The following EIF5A2 variants were observed in gnomAD, a reference collection of about 807,000 sequenced individuals.
EIF5A2 encodes the protein eukaryotic translation initiation factor 5A2.
EIF5A2 carries 15 observed loss-of-function variants against 16.4 expected under a neutral mutation model. The ratio of observed to expected loss-of-function variants is 0.92; its 90% CI spans 0.61 to 1.41. EIF5A2 has a LOEUF of 1.41. EIF5A2 is among the 40% of genes most tolerant of loss of function. The pLI is 0.00. For synonymous variants in EIF5A2, 48 were observed against 61.1 expected, an observed-to-expected ratio of 0.79 and a Z score of 1.00; for missense variants, 144 against 189.5, an observed-to-expected ratio of 0.76 and a Z score of 1.41.
In EIF5A2 at chr3:170,894,297, C is replaced by G. The variant is rs1333213962; in HGVS notation, c.397G>C (p.Val133Leu). 1.9e-6 allele frequency: 3 copies of G among 1,613,020 alleles called. No individual in the cohort carries two copies. The Admixed American group carries it at 5.0e-5, about 27-fold the overall frequency. ...IEGKYNAGED[V>L]QVSVMCAMSE... is the part of the protein sequence containing the mutation. ...ATCCTTCTCTAAGTCTTTACCTGTACATCTTCACCTGCATTGTATTTTCCC... is the reference window on the plus strand; with the variant it reads ...ATCCTTCTCTAAGTCTTTACCTGTAGATCTTCACCTGCATTGTATTTTCCC... Residue 133 changes from valine (V) to leucine (L), a missense_variant, in exon 4 of 5, where the codon GTA becomes CTA. Transcript: ENST00000295822.
intron 3 of EIF5A2, among the ~76,000 whole-genome samples, chr3:170,898,136 A>G (rs539162674): frequency 1.3e-5 from 2 of 152,362 alleles, no homozygotes; most frequent in East Asian, 1.9e-4. Context: ...GTTTCTAGGA[A>G]GTAACTGACT....
rs1712520299 is a variant in EIF5A2 at position 170,891,004 on chromosome 3, A to G, written c.*2356T>C. On this transcript the variant is annotated 3_prime_UTR_variant, in exon 5 of 5. Coordinates refer to ENST00000295822, the MANE Select transcript of EIF5A2 (RefSeq NM_020390.6). ...ACTTCATATATTACTTAAAATGAAA[A>G]TATTTATGCATAAATAGCGTTTGCC... The G allele has an allele frequency of 6.6e-6, 1 of 152,610 alleles. No individual in the cohort carries two copies. The allele number at this position is 152,610 out of a possible 1,614,324, so 9.5% of individuals were successfully genotyped here.
intron 3 of EIF5A2, among the ~76,000 whole-genome samples, chr3:170,903,555 A>T (rs1326338777): frequency 4.6e-5 from 7 of 152,188 alleles, no homozygotes; most frequent in Admixed American, 4.6e-4. Context: ...CCTGTAACAA[A>T]TATTTGCTTC....
Position 170,891,123 on chromosome 3 carries a change from T to C in EIF5A2, c.*2237A>G, listed in dbSNP as rs1712523765. The C allele has an allele frequency of 6.6e-6, 1 of 152,474 alleles. No homozygotes were observed. Among genetic ancestry groups the C allele is most frequent in the Non-Finnish European group, 1.5e-5 (1 of 67,994 alleles). 9.4% of individuals were successfully genotyped at this position (152,474 alleles called of 1,614,324 possible). On this transcript the variant is annotated 3_prime_UTR_variant, in exon 5 of 5. Transcript: ENST00000295822. ...TATATTTATGTGAAATTTTACAAGT[T>C]AGGAAGAACAGGGGCATGCTAATTG...
intron 3 of EIF5A2, among the ~76,000 whole-genome samples, chr3:170,895,472 T>C (rs909899328): frequency 4.6e-5 from 7 of 152,226 alleles, no homozygotes; most frequent in Admixed American, 4.6e-4. Context: ...TGTACACTAT[T>C]AGTATGCCTC....
chr3:170,903,441 A>G (rs1190284686), intron 3 of EIF5A2, among the ~76,000 whole-genome samples: 1 of 152,138 alleles, frequency 6.6e-6, no homozygotes, highest in African/African-American at 2.4e-5. Context: ...TGTTTTTTGC[A>G]GGTTACAATA....
chr3:170,907,809 T>G lies in EIF5A2; in HGVS notation c.-3A>C. 6.6e-7 allele frequency: 1 copy of G among 1,525,776 alleles called. No individual in the cohort carries two copies. The highest frequency in any genetic ancestry group is 8.9e-7 in the Non-Finnish European group (1 of 1,123,310). The allele number at this position is 1,525,776 out of a possible 1,614,324, so 94.5% of individuals were successfully genotyped here. A position where few individuals can be genotyped will look rare whatever the true frequency, so the allele number is the denominator to read the frequency against. On this transcript the variant is annotated 5_prime_UTR_variant, in exon 2 of 5. Coordinates refer to ENST00000295822, the MANE Select transcript of EIF5A2 (RefSeq NM_020390.6). ...GTGAAATCAATTTCGTCTGCCATGG[T>G]GGGCAGGGGAGATGGTAGTTTTTCC... is the stretch of plus-strand genomic sequence containing the variant.
intron 3 of EIF5A2, among the ~76,000 whole-genome samples, chr3:170,895,579 C>A (rs1712649231): frequency 6.6e-6 from 1 of 152,186 alleles, no homozygotes; most frequent in Non-Finnish European, 1.5e-5. Flanking sequence ...ACCCCTGTAA[C>A]CACTATGATA....
At chr3:170,905,189 A>G (rs114394116) in intron 3 of EIF5A2, among the ~76,000 whole-genome samples, 10 of 152,356 alleles carry the variant, frequency 6.6e-5, no homozygotes, top group African/African-American at 2.4e-4. Context: ...CTAAATAAAG[A>G]TGGGATCAGA....
intron 3 of EIF5A2, among the ~76,000 whole-genome samples, chr3:170,901,790 T>A (rs1190241041): frequency 6.6e-6 from 1 of 152,240 alleles, no homozygotes; most frequent in Non-Finnish European, 1.5e-5. Context: ...TCTCAATCTA[T>A]TTCAAAACAA....
chr3:170,902,208 T>C (rs933025999), intron 3 of EIF5A2, among the ~76,000 whole-genome samples: 1 of 152,112 alleles, frequency 6.6e-6, no homozygotes, highest in Non-Finnish European at 1.5e-5. Context: ...CAGTTGCCTA[T>C]GACCAGCTGA....
intron 3 of EIF5A2, among the ~76,000 whole-genome samples, chr3:170,901,562 C>CT (rs35685053): frequency 0.013 from 1,810 of 142,074 alleles, 35 homozygotes; most frequent in African/African-American, 0.038. Context: ...CAGGTGCCTT[C>CT]TTTTTTTTTT....
rs1376998402 is a variant in EIF5A2, at chr3:170,897,764, C to T, written c.271-3341G>A. Among the ~76,000 whole-genome samples, 14 of 152,326 alleles carry T rather than the reference C, an allele frequency of 9.2e-5. No homozygotes were observed. In the East Asian group the frequency reaches 2.5e-3, roughly 27 times the overall value. On this transcript the variant is annotated intron_variant, in intron 3 of 4. Coordinates refer to ENST00000295822, the MANE Select transcript of EIF5A2 (RefSeq NM_020390.6). ...TCAGGTTAGATCCCCCACACAGAGTCCCCACTGGGACACTGCCTAGTGGAG... is the reference window on the plus strand; with the variant it reads ...TCAGGTTAGATCCCCCACACAGAGTTCCCACTGGGACACTGCCTAGTGGAG...
rs1423649373 is a variant in EIF5A2, at chr3:170,888,435, TTTTA to T, written c.*4921_*4924del. 2 of 152,238 alleles carry T rather than the reference TTTTA, an allele frequency of 1.3e-5. No homozygotes were observed. The highest frequency in any genetic ancestry group is 3.2e-3 in the Middle Eastern group (1 of 316). The allele number at this position is 152,238 out of a possible 1,614,324, so 9.4% of individuals were successfully genotyped here. ...AAGAATAGTGCAAGCTGTTAACTATTTTTATTTAATACAACTGATGAAGTTAACA... is the reference window on the plus strand; with the variant it reads ...AAGAATAGTGCAAGCTGTTAACTATTTTTAATACAACTGATGAAGTTAACA... On this transcript the variant is annotated 3_prime_UTR_variant, in exon 5 of 5. Coordinates refer to ENST00000295822, the MANE Select transcript of EIF5A2 (RefSeq NM_020390.6).
Position 170,908,464 on chromosome 3 carries a change from G to GGGC in EIF5A2, c.-36+76_-36+78dup, listed in dbSNP as rs575951702. 547 of 153,116 alleles carry GGGC rather than the reference G, an allele frequency of 3.6e-3. 3 individuals are homozygous for GGGC. The highest frequency in any genetic ancestry group is 7.8e-3 in the South Asian group (38 of 4,852). The allele number at this position is 153,116 out of a possible 1,614,324, so 9.5% of individuals were successfully genotyped here. A position where few individuals can be genotyped will look rare whatever the true frequency, so the allele number is the denominator to read the frequency against. ...TTTCTCTCGGTCAGCGCTCAGTTCT[G>GGGC]GGCGCCTTCCCCGGCCCTGCCTCAC... is the stretch of plus-strand genomic sequence containing the variant. On this transcript the variant is annotated intron_variant, in intron 1 of 4. Coordinates refer to ENST00000295822, the MANE Select transcript of EIF5A2 (RefSeq NM_020390.6).
intron 3 of EIF5A2, among the ~76,000 whole-genome samples, chr3:170,900,630 G>C (rs1712786278): frequency 6.6e-6 from 1 of 152,082 alleles, no homozygotes; most frequent in Non-Finnish European, 1.5e-5. Context: ...ACAATGGATT[G>C]AAACACAAAT....
chr3:170,908,203 C>A (rs1712991009), intron 1 of EIF5A2, among the ~76,000 whole-genome samples: 1 of 152,190 alleles, frequency 6.6e-6, no homozygotes, highest in South Asian at 2.1e-4. Flanking sequence ...GGGGACCCAG[C>A]CCAGGCCGCA....
rs1712576658 is a variant in EIF5A2, at chr3:170,893,152, A to G, written c.*208T>C. On this transcript the variant is annotated 3_prime_UTR_variant, in exon 5 of 5. Coordinates refer to ENST00000295822, the MANE Select transcript of EIF5A2 (RefSeq NM_020390.6). ...AAACCACAGGAATATTATAGGAAACATATCTACAAAATTCAAAAAAAATTA... is the reference window on the plus strand; with the variant it reads ...AAACCACAGGAATATTATAGGAAACGTATCTACAAAATTCAAAAAAAATTA... 3 of 461,320 alleles carry G rather than the reference A, an allele frequency of 6.5e-6. No individual in the cohort carries two copies. Among genetic ancestry groups the G allele is most frequent in the Middle Eastern group, 5.5e-4 (1 of 1,808 alleles). The allele number at this position is 461,320 out of a possible 1,614,324, so 28.6% of individuals were successfully genotyped here. A position where few individuals can be genotyped will look rare whatever the true frequency, so the allele number is the denominator to read the frequency against.
chr3:170,890,810 A>T lies in EIF5A2; in HGVS notation c.*2550T>A, dbSNP rs975132009. Reference sequence around the variant, plus strand: ...AACTTTAACATTTCTGATGTCTAAAAAGAATGAAGTCACTTCTGTTCTATG... The same window carrying T: ...AACTTTAACATTTCTGATGTCTAAATAGAATGAAGTCACTTCTGTTCTATG... On this transcript the variant is annotated 3_prime_UTR_variant, in exon 5 of 5. Transcript: ENST00000295822. The T allele has an allele frequency of 3.9e-5, 6 of 152,722 alleles. No homozygotes were observed. The highest frequency in any genetic ancestry group is 1.9e-4 in the East Asian group (1 of 5,188). The allele number at this position is 152,722 out of a possible 1,614,324, so 9.5% of individuals were successfully genotyped here.
Sources: allele counts gnomAD v4.1 joint callset (sites outside exome capture counted in the v4.1 genomes callset), GRCh38; gene constraint gnomAD v4.1.1; transcripts MANE v1.5; gene names NCBI Gene and HGNC (gene_info 2026-07-23, HGNC 2026-07-21).